The following DNAL4 variants were observed in gnomAD, a reference collection of about 807,000 sequenced individuals.
DNAL4 encodes dynein light chain, outer arm 4.
In DNAL4, 10 loss-of-function variants were observed where a neutral mutation model predicts 12.6. The ratio of observed to expected loss-of-function variants is 0.79; its 90% CI spans 0.49 to 1.34. The LOEUF is 1.34. Among genes scored for constraint, DNAL4 ranks in the 40% most tolerant of loss-of-function variants. The pLI, the probability that DNAL4 is intolerant of heterozygous loss-of-function variation, is 0.00. For missense variants in DNAL4, 128 were observed against 138.1 expected (o/e 0.93, Z 0.37); for synonymous variants, 46 against 53.1 (o/e 0.87, Z 0.58).
chr22:38,781,321 G>A (rs768792725), intron 2 of DNAL4, among the ~76,000 whole-genome samples: 5 of 152,224 alleles, frequency 3.3e-5, no homozygotes, highest in African/African-American at 4.8e-5. Context: ...AGTGTGTTCC[G>A]ACGGAATCTC....
intron 3 of DNAL4, among the ~76,000 whole-genome samples, chr22:38,780,120 T>C (rs5757282): frequency 0.85 from 129,399 of 152,154 alleles, 55,112 homozygotes; most frequent in East Asian, 0.89. Flanking sequence ...TTTCAAGACG[T>C]GCCCCCTGTG....
rs779128761 is a variant in DNAL4 at position 38,779,613 on chromosome 22, T to C, written c.154A>G (p.Ser52Gly). 6.3e-7 allele frequency: 1 copy of C among 1,595,358 alleles called. No individual in the cohort carries two copies. The highest frequency in any genetic ancestry group is 1.3e-5 in the African/African-American group (1 of 74,544). Reference sequence around the variant, plus strand: ...GTCTCTTTGATCATCTTGGCGGCGCTCTGGAAGGAAGAGGGCACTTATCAA... The same window carrying C: ...GTCTCTTTGATCATCTTGGCGGCGCCCTGGAAGGAAGAGGGCACTTATCAA... Reference protein sequence around the residue: ...ACEKFSNNNESAAKMIKETMD... With the variant: ...ACEKFSNNNEGAAKMIKETMD... The change falls in exon 4 of 4, where the codon AGC becomes GGC. Residue 52 changes from serine to glycine, a missense_variant and splice_region_variant. By Grantham distance (56) the Ser-to-Gly change is moderately conservative (BLOSUM62 0). Coordinates refer to ENST00000216068, the MANE Select transcript of DNAL4 (RefSeq NM_005740.3). This position sits in a 1 kb window ranked among gnomAD's most constrained non-coding sequence, Gnocchi z 4.3.
rs574747891 is a variant in DNAL4, at chr22:38,784,592, G to A, written c.-139-1722C>T. 3.7e-3 allele frequency among the ~76,000 whole-genome samples: 559 copies of A among 149,740 alleles called. 1 individual carries two copies. The highest frequency in any genetic ancestry group is 7.2e-3 in the Non-Finnish European group (486 of 67,694). Reference sequence around the variant, plus strand: ...GTGGCACGATGTCAGCTCACTGCAAGCTCCGCTTCCCAGGTTCATGCCATT... The same window carrying A: ...GTGGCACGATGTCAGCTCACTGCAAACTCCGCTTCCCAGGTTCATGCCATT... On this transcript the variant is annotated intron_variant, in intron 1 of 3. Coordinates refer to ENST00000216068, the MANE Select transcript of DNAL4 (RefSeq NM_005740.3).
At chr22:38,792,958 T>G (rs1246175635) in intron 1 of DNAL4, among the ~76,000 whole-genome samples, 1 of 152,254 alleles carries the variant, frequency 6.6e-6, no homozygotes, top group East Asian at 1.9e-4. Context: ...TGTGCTATAT[T>G]TTATATGACT....
chr22:38,779,566 G>A lies in DNAL4; in HGVS notation c.201C>T (p.Ser67=), dbSNP rs1029903676. 1 of 1,595,360 alleles carries A rather than the reference G, an allele frequency of 6.3e-7. No homozygotes were observed. The highest frequency in any genetic ancestry group is 1.1e-5 in the South Asian group (1 of 88,162). The change falls in exon 4 of 4, where the codon TCC becomes TCT. Residue 67 remains serine, a synonymous_variant. Transcript: ENST00000216068. This position sits in a 1 kb window ranked among gnomAD's most constrained non-coding sequence, Gnocchi z 4.3. ...IKETMDKKFG[S]SWHVVIGEGF... ...CCTCGCCGATCACCACGTGCCAGGA[G>A]GAGCCGAACTTCTTGTCCATTGTCT...
chr22:38,791,957 GGCCTCCCAA>G (rs2093051306), intron 1 of DNAL4, among the ~76,000 whole-genome samples: 1 of 145,390 alleles, frequency 6.9e-6, no homozygotes, highest in South Asian at 2.2e-4. Context: ...CCTCTGCCTT[GGCCTCCCAA>G]AGTGCTGGCA....
intron 1 of DNAL4, among the ~76,000 whole-genome samples, chr22:38,792,766 C>T (rs1304390481): frequency 4.6e-5 from 7 of 152,160 alleles, no homozygotes; most frequent in Admixed American, 2.0e-4. Flanking sequence ...GATAACAAAG[C>T]CTTTTGCTTG....
intron 3 of DNAL4, among the ~76,000 whole-genome samples, chr22:38,780,332 G>A (rs561989883): frequency 2.6e-5 from 4 of 152,198 alleles, no homozygotes; most frequent in Admixed American, 1.3e-4. Flanking sequence ...AGGAAACTGC[G>A]CTCAGAGTTG....
chr22:38,785,280 G>A (rs1800880275), intron 1 of DNAL4: 1 of 152,196 alleles, frequency 6.6e-6, no homozygotes, highest in Non-Finnish European at 1.5e-5. Context: ...TGACAGAGGT[G>A]GCGGCTACAC....
At chr22:38,784,836 A>C (rs1459081843) in intron 1 of DNAL4, among the ~76,000 whole-genome samples, 3 of 151,708 alleles carry the variant, frequency 2.0e-5, no homozygotes, top group Admixed American at 6.6e-5. Context: ...TCTAATGTTA[A>C]CTTGACCCTG....
At chr22:38,781,073 T>C in intron 2 of DNAL4, 64 bp from the exon 3 acceptor site, 1 of 1,584,840 alleles carries the variant, frequency 6.3e-7, no homozygotes, top group African/African-American at 1.3e-5. Context: ...CCTTCCTGGC[T>C]GGCCTCTCTG....
intron 1 of DNAL4, among the ~76,000 whole-genome samples, chr22:38,792,655 C>G (rs1348917759): frequency 1.3e-5 from 2 of 152,172 alleles, no homozygotes; most frequent in Non-Finnish European, 1.5e-5. Flanking sequence ...CCTAAGCCTA[C>G]ACAGGGTCAG....
rs939816334 is a variant in DNAL4 at position 38,782,752 on chromosome 22, T to C, written c.-21A>G. On this transcript the variant is annotated 5_prime_UTR_variant, in exon 2 of 4. Transcript: ENST00000216068. This position sits in a 1 kb window ranked among gnomAD's most constrained non-coding sequence, Gnocchi z 5.1. ...CCCATGATCCTTCCACTGTGACCAC[T>C]GGAGGAGAGTGGGGCTTTCAGGAGG... 8.1e-6 allele frequency: 13 copies of C among 1,597,324 alleles called. No individual in the cohort carries two copies. The highest frequency in any genetic ancestry group is 1.1e-5 in the Non-Finnish European group (13 of 1,172,542).
At chr22:38,784,133 A>G (rs943330616) in intron 1 of DNAL4, among the ~76,000 whole-genome samples, 3 of 152,180 alleles carry the variant, frequency 2.0e-5, no homozygotes, top group Non-Finnish European at 4.4e-5. Context: ...ATGGAACCCA[A>G]AGGTGCCGAG....
rs1400240114 is a variant in DNAL4 at position 38,779,405 on chromosome 22, T to A, written c.*44A>T. ...AGGGCTGCTCCCCACCCCAGATGAG[T>A]GGCAGGAAAAGGCCCTGCAGGGGAC... is the stretch of plus-strand genomic sequence containing the variant. On this transcript the variant is annotated 3_prime_UTR_variant, in exon 4 of 4. Transcript: ENST00000216068. This position sits in a 1 kb window ranked among gnomAD's most constrained non-coding sequence, Gnocchi z 4.3. 2 of 1,536,170 alleles carry A rather than the reference T, an allele frequency of 1.3e-6. No homozygotes were observed. Among genetic ancestry groups the A allele is most frequent in the Admixed American group, 2.0e-5 (1 of 50,108 alleles).
intron 1 of DNAL4, among the ~76,000 whole-genome samples, chr22:38,791,332 CTTTAT>C (rs1323508168): frequency 1.3e-5 from 2 of 151,852 alleles, no homozygotes; most frequent in East Asian, 3.9e-4. Context: ...ACCACTATAA[CTTTAT>C]TTTACTTTTT....
chr22:38,779,663 G>C lies in DNAL4; in HGVS notation c.154-50C>G. 1 of 1,552,682 alleles carries C rather than the reference G, an allele frequency of 6.4e-7. No homozygotes were observed. The highest frequency in any genetic ancestry group is 8.7e-7 in the Non-Finnish European group (1 of 1,144,790). On this transcript the variant is annotated intron_variant, in intron 3 of 3. Coordinates refer to ENST00000216068, the MANE Select transcript of DNAL4 (RefSeq NM_005740.3). The surrounding 1 kb of genome is among the most constrained non-coding windows in gnomAD (Gnocchi z 4.3). ...AGGGGGCGCAGGGCAGGTGGGGGCA[G>C]GAGTCAGGTCCTTCTCCAGGAAGGA...
intron 2 of DNAL4, among the ~76,000 whole-genome samples, chr22:38,781,840 G>C (rs763618985): frequency 6.6e-6 from 1 of 152,072 alleles, no homozygotes; most frequent in African/African-American, 2.4e-5. Context: ...ACCGCATCTC[G>C]CACTCTACTC....
chr22:38,786,707 C>T (rs951843607), intron 1 of DNAL4, among the ~76,000 whole-genome samples: 3 of 152,232 alleles, frequency 2.0e-5, no homozygotes, highest in African/African-American at 7.2e-5. Flanking sequence ...CCCACTACCC[C>T]TGCTCTCCTC....
Sources: allele counts gnomAD v4.1 joint callset (sites outside exome capture counted in the v4.1 genomes callset), GRCh38; gene constraint gnomAD v4.1.1; non-coding constraint Gnocchi (gnomAD v3.1); transcripts MANE v1.5; gene names NCBI Gene and HGNC (gene_info 2026-07-23, HGNC 2026-07-21).